SQLE: variants seen among roughly 807,000 people sequenced by gnomAD.
SQLE encodes squalene monooxygenase.
SQLE carries 29 observed loss-of-function variants against 60.7 expected under a neutral mutation model. That is an observed-to-expected ratio of 0.48 (90% CI 0.36 to 0.65). The LOEUF is 0.65. SQLE is among the 30% of genes least tolerant of loss of function. The pLI, the probability that SQLE is intolerant of heterozygous loss-of-function variation, is 0.00. For missense variants in SQLE, 605 were observed against 684.1 expected (o/e 0.88, Z 1.29); for synonymous variants, 237 against 246.8 (o/e 0.96, Z 0.37).
chr8:125,006,165 T>G (rs1814942097), intron 3 of SQLE, among the ~76,000 whole-genome samples: 1 of 152,208 alleles, frequency 6.6e-6, no homozygotes, highest in South Asian at 2.1e-4. Context: ...TATTTACCAG[T>G]AACCTTTAAA....
chr8:125,011,779 G>GA, intron 7 of SQLE, 147 bp downstream of exon 7: 1 of 694,858 alleles, frequency 1.4e-6, no homozygotes, highest in Non-Finnish European at 2.4e-6. Context: ...TTAGTTTTAT[G>GA]ATCTATTTAG....
chr8:125,019,733 AT>A (rs1815171784), intron 9 of SQLE, among the ~76,000 whole-genome samples: 1 of 152,164 alleles, frequency 6.6e-6, no homozygotes, highest in Non-Finnish European at 1.5e-5. Flanking sequence ...ACTCTAGTAT[AT>A]TTGCAACATA....
At chr8:125,002,820 A>G (rs1339863261) in intron 1 of SQLE, among the ~76,000 whole-genome samples, 1 of 152,244 alleles carries the variant, frequency 6.6e-6, no homozygotes, top group Non-Finnish European at 1.5e-5. Context: ...TTAGTTATTA[A>G]TGATACAGTT....
At position 125,009,340 on chromosome 8, in the gene SQLE, C is replaced by G; in HGVS notation, c.1105C>G (p.Pro369Ala). ...YMVEKIYPQI[P>A]DHLKEPFLEA... ...GGTTGAAAAAATTTACCCACAAATA[C>G]CTGGTAAGAAATAGCATCTTCAGTT... The change falls in exon 6 of 11, where the codon CCT (proline) becomes GCT (alanine). Residue 369 changes from proline to alanine, a missense_variant. Transcript: ENST00000265896. The G allele has an allele frequency of 6.2e-7, 1 of 1,610,276 alleles. No homozygotes were observed. The highest frequency in any genetic ancestry group is 8.5e-7 in the Non-Finnish European group (1 of 1,178,440).
At chr8:125,008,379 G>A (rs1042885990) in intron 4 of SQLE, among the ~76,000 whole-genome samples, 4 of 152,068 alleles carry the variant, frequency 2.6e-5, no homozygotes, top group Non-Finnish European at 4.4e-5. Context: ...GTGAGCCACC[G>A]CACCCGGCCA....
chr8:125,000,997 G>A (rs1002571341), intron 1 of SQLE, among the ~76,000 whole-genome samples: 3 of 152,134 alleles, frequency 2.0e-5, no homozygotes, highest in Non-Finnish European at 4.4e-5. Context: ...TTAATACCTA[G>A]TCTATAACCG....
At chr8:125,009,646 T>G (rs1815009025) in intron 6 of SQLE, among the ~76,000 whole-genome samples, 1 of 151,938 alleles carries the variant, frequency 6.6e-6, no homozygotes, top group Non-Finnish European at 1.5e-5. Flanking sequence ...AAATACAAAA[T>G]TAGCCGAGTG....
chr8:125,011,496 T>C (rs776396295), intron 6 of SQLE, 41 bp from the exon 7 acceptor site: 13 of 1,460,580 alleles, frequency 8.9e-6, no homozygotes, highest in Non-Finnish European at 1.2e-5. Flanking sequence ...GAAATTGAAG[T>C]GTTATGACCC....
At chr8:125,003,912 AGGT>A (rs1248755350) in intron 2 of SQLE, among the ~76,000 whole-genome samples, 1 of 150,332 alleles carries the variant, frequency 6.7e-6, no homozygotes, top group Non-Finnish European at 1.5e-5. Context: ...GGGGTGGGGA[AGGT>A]GGGAGAGACA....
rs6470328 is a variant in SQLE at position 125,016,121 on chromosome 8, T to C, written c.1205-1938T>C. On this transcript the variant is annotated intron_variant, in intron 7 of 10. Coordinates refer to ENST00000265896, the MANE Select transcript of SQLE (RefSeq NM_003129.4). The surrounding 1 kb of genome is among the most constrained non-coding windows in gnomAD (Gnocchi z 4.1). Reference sequence around the variant, plus strand: ...CAATCCTTGCTTGGTGTTCTGTAGCTTTCTTGTGCTTGAATATTGATATCT... The same window carrying C: ...CAATCCTTGCTTGGTGTTCTGTAGCCTTCTTGTGCTTGAATATTGATATCT... Among the ~76,000 whole-genome samples the C allele has an allele frequency of 0.38, 58,219 of 151,852 alleles. 13,162 individuals are homozygous for C. The highest frequency in any genetic ancestry group is 0.62 in the African/African-American group (25,747 of 41,344).
chr8:125,013,140 A>G (rs1015638776), intron 7 of SQLE, among the ~76,000 whole-genome samples: 6 of 152,122 alleles, frequency 3.9e-5, no homozygotes, highest in Non-Finnish European at 8.8e-5. Flanking sequence ...TCCTTTATAT[A>G]TTTTAGGTAC....
intron 8 of SQLE, 104 bp downstream of exon 8, chr8:125,018,305 C>G (rs1013701574): frequency 1.7e-6 from 2 of 1,167,532 alleles, no homozygotes; most frequent in Non-Finnish European, 1.2e-6. Context: ...GAACCTGATG[C>G]TTTATAATAG....
In SQLE at chr8:124,998,632, C is replaced by A; in HGVS notation, c.-772C>A. On this transcript the variant is annotated 5_prime_UTR_variant, in exon 1 of 11. Transcript: ENST00000265896. ...TGAGGAAGCCGTCGGGAGCCGCCGCCGCCATCTGAGGGAGGTACCCTGGAA... is the reference window on the plus strand; with the variant it reads ...TGAGGAAGCCGTCGGGAGCCGCCGCAGCCATCTGAGGGAGGTACCCTGGAA... 1 of 680,796 alleles carries A rather than the reference C, an allele frequency of 1.5e-6. No individual in the cohort carries two copies. The highest frequency in any genetic ancestry group is 1.5e-5 in the South Asian group (1 of 65,478). 42.2% of individuals were successfully genotyped at this position (680,796 alleles called of 1,614,324 possible).
At chr8:125,014,715 G>A (rs1815085466) in intron 7 of SQLE, among the ~76,000 whole-genome samples, 1 of 152,134 alleles carries the variant, frequency 6.6e-6, no homozygotes, top group African/African-American at 2.4e-5. Context: ...TGTATACACA[G>A]TCTCCAAAGT....
At chr8:125,000,389 A>G (rs2129866793) in intron 1 of SQLE, among the ~76,000 whole-genome samples, 1 of 152,346 alleles carries the variant, frequency 6.6e-6, no homozygotes, top group East Asian at 1.9e-4. Flanking sequence ...GAGTTCTCCC[A>G]AGAACACTGG....
chr8:125,001,295 G>C (rs1215916434), intron 1 of SQLE, among the ~76,000 whole-genome samples: 1 of 152,030 alleles, frequency 6.6e-6, no homozygotes, highest in African/African-American at 2.4e-5. Flanking sequence ...ATCAATATTG[G>C]TTCCATTTTG....
intron 7 of SQLE, among the ~76,000 whole-genome samples, chr8:125,013,356 C>CTTTTTTTTTTTTT (rs1554588049): frequency 7.3e-6 from 1 of 136,450 alleles, no homozygotes; most frequent in African/African-American, 2.8e-5. Context: ...TTTTCTTTTT[C>CTTTTTTTTTTTTT]TTTTTTTTTT....
intron 9 of SQLE, among the ~76,000 whole-genome samples, chr8:125,020,517 C>CAAGG (rs1353877213): frequency 5.9e-5 from 9 of 152,088 alleles, no homozygotes; most frequent in African/African-American, 2.2e-4. Flanking sequence ...ACAGCAAAAT[C>CAAGG]AAGGAAGTAC....
At position 125,021,995 on chromosome 8, in the gene SQLE, TAA is replaced by T. The variant is rs1264545798; in HGVS notation, c.*51_*52del. 7.7e-6 allele frequency: 11 copies of T among 1,434,372 alleles called. No homozygotes were observed. Among genetic ancestry groups the T allele is most frequent in the Admixed American group, 4.4e-5 (2 of 45,136 alleles). 88.9% of individuals were successfully genotyped at this position (1,434,372 alleles called of 1,614,324 possible). On this transcript the variant is annotated 3_prime_UTR_variant, in exon 11 of 11. Coordinates refer to ENST00000265896, the MANE Select transcript of SQLE (RefSeq NM_003129.4). The stretch of plus-strand genomic sequence containing the variant: ...TGAATATTTGGAACTTACCAAGTCC[TAA>T]GAGACTTTTGGAAGAGGATATATAT...
Sources: allele counts gnomAD v4.1 joint callset (sites outside exome capture counted in the v4.1 genomes callset), GRCh38; gene constraint gnomAD v4.1.1; non-coding constraint Gnocchi (gnomAD v3.1); transcripts MANE v1.5; gene names NCBI Gene and HGNC (gene_info 2026-07-23, HGNC 2026-07-21).